Variants in SCRIB observed in about 807,000 individuals in gnomAD.
SCRIB encodes the protein protein scribble homolog.
A neutral mutation model predicts 170.0 loss-of-function variants in SCRIB; 72 were observed. The observed-to-expected ratio is 0.42, with a 90% CI of 0.35 to 0.52. SCRIB has a LOEUF of 0.52. Among genes scored for constraint, SCRIB ranks in the 20% least tolerant of loss-of-function variants. The pLI is 0.02. For missense variants in SCRIB, 2,475 were observed against 2,338.5 expected (o/e 1.06, Z -1.20); for synonymous variants, 1,298 against 1,044.3 (o/e 1.24, Z -4.68).
chr8:143,793,260 G>A, intron 28 of SCRIB, 177 bp from the exon 29 acceptor site: 1 of 494,336 alleles, frequency 2.0e-6, no homozygotes, highest in Non-Finnish European at 3.5e-6. Context: ...CACTCACGGA[G>A]TGGGGACAAC....
intron 24 of SCRIB, among the ~76,000 whole-genome samples, chr8:143,802,496 C>A (rs1318573855): frequency 6.6e-6 from 1 of 152,256 alleles, no homozygotes; most frequent in African/African-American, 2.4e-5. Flanking sequence ...AGCAGGGACA[C>A]CCTCTGGGAG....
chr8:143,804,455 A>T, intron 21 of SCRIB, 113 bp downstream of exon 21: 2 of 1,148,022 alleles, frequency 1.7e-6, no homozygotes, highest in Non-Finnish European at 2.4e-6. Context: ...AAGGGCGAGC[A>T]GGCCGGCTTC....
In SCRIB at chr8:143,809,578, C is replaced by T. The variant is rs1213860549; in HGVS notation, c.1671G>A (p.Glu557=). 6.2e-7 allele frequency: 1 copy of T among 1,611,472 alleles called. No individual in the cohort carries two copies. The highest frequency in any genetic ancestry group is 1.1e-5 in the South Asian group (1 of 91,060). ...CCTGGTAGTCCTCTTCGGCGTCTTC[C>T]TCCCCGCCAGCAGTCGTGGCTTCCT... ...SQQEATTAGG[E]EDAEEDYQEP... Residue 557 remains glutamate, a synonymous_variant, in exon 14 of 37, where the codon GAG becomes GAA. Transcript: ENST00000356994.
rs782631921 is a variant in SCRIB at position 143,805,029 on chromosome 8, G to A, written c.2671-15C>T. 3.0e-5 allele frequency: 48 copies of A among 1,585,024 alleles called. No individual in the cohort carries two copies. The highest frequency in any genetic ancestry group is 4.0e-5 in the Non-Finnish European group (47 of 1,168,610). ...ACGAAGATGCCCTGCAGGGGAGGGTGGAGGAGGCAGGGCTGCCGGTGAGGC... is the reference window on the plus strand; with the variant it reads ...ACGAAGATGCCCTGCAGGGGAGGGTAGAGGAGGCAGGGCTGCCGGTGAGGC... On this transcript the variant is annotated splice_polypyrimidine_tract_variant and intron_variant, in intron 19 of 36. Transcript: ENST00000356994.
At chr8:143,802,123 G>A (rs974690284) in intron 24 of SCRIB, among the ~76,000 whole-genome samples, 3 of 152,258 alleles carry the variant, frequency 2.0e-5, no homozygotes, top group South Asian at 2.1e-4. Context: ...CTGAGAACCA[G>A]ATGGTCCAGA....
rs1554633979 is a variant in SCRIB at position 143,795,698 on chromosome 8, G to A, written c.3604-168C>T. ...GGCAGCCTTGGAGGGCACTCCGCTGGGCCCCCCAGGACGCTGCAGCACTGT... is the reference window on the plus strand; with the variant it reads ...GGCAGCCTTGGAGGGCACTCCGCTGAGCCCCCCAGGACGCTGCAGCACTGT... On this transcript the variant is annotated intron_variant, in intron 24 of 36. Transcript: ENST00000356994. Among the ~76,000 whole-genome samples the A allele has an allele frequency of 2.0e-5, 3 of 152,202 alleles. No individual in the cohort carries two copies. The East Asian group carries it at 5.8e-4, about 29-fold the overall frequency.
At chr8:143,815,095 C>T (rs1816008507) in intron 1 of SCRIB, 119 bp downstream of exon 1, 10 of 1,197,392 alleles carry the variant, frequency 8.4e-6, no homozygotes, top group Non-Finnish European at 1.1e-5. Context: ...GGGACCTGGC[C>T]AGTGCAAACC....
chr8:143,812,036 A>G (rs1815753880), intron 9 of SCRIB, among the ~76,000 whole-genome samples: 2 of 152,052 alleles, frequency 1.3e-5, no homozygotes, highest in African/African-American at 4.8e-5. Flanking sequence ...AGCGATAAAC[A>G]CGAGACCTAG....
intron 24 of SCRIB, among the ~76,000 whole-genome samples, chr8:143,801,492 C>T (rs1292581749): frequency 6.6e-6 from 1 of 152,172 alleles, no homozygotes; most frequent in Non-Finnish European, 1.5e-5. Context: ...ATAAAGAACC[C>T]AGAAGACTTA....
Position 143,792,265 on chromosome 8 carries a change from A to C in SCRIB, c.4469T>G (p.Leu1490Arg). Residue 1490 changes from leucine to arginine, a missense_variant, in exon 32 of 37, where the codon CTC becomes CGC. Coordinates refer to ENST00000356994, the MANE Select transcript of SCRIB (RefSeq NM_182706.5). ...APERALSPAE[L>R]RALEAEKRAL... ...ACGCTTCTCGGCCTCCAGGGCCCGG[A>C]GCTCGGCAGGGGACAGGGCACGCTC... 1 of 1,572,378 alleles carries C rather than the reference A, an allele frequency of 6.4e-7. No individual in the cohort carries two copies. Among genetic ancestry groups the C allele is most frequent in the Non-Finnish European group, 8.6e-7 (1 of 1,166,448 alleles).
At chr8:143,800,458 G>C (rs997223783) in intron 24 of SCRIB, among the ~76,000 whole-genome samples, 26 of 152,358 alleles carry the variant, frequency 1.7e-4, no homozygotes, top group Non-Finnish European at 3.4e-4. Flanking sequence ...AGGCCCGAAG[G>C]GGGAAGGGCG....
At chr8:143,794,963 T>C in intron 27 of SCRIB, 75 bp downstream of exon 27, 5 of 1,438,662 alleles carry the variant, frequency 3.5e-6, no homozygotes, top group Non-Finnish European at 4.8e-6. Context: ...CGGATGGCCC[T>C]GGCGTTTGTC....
chr8:143,794,224 A>T, intron 27 of SCRIB: 1 of 493,676 alleles, frequency 2.0e-6, no homozygotes, highest in Non-Finnish European at 3.7e-6. Flanking sequence ...AGATGGGAGC[A>T]GACAGGACAG....
At chr8:143,803,604 T>TG (rs34826522) in intron 23 of SCRIB, 33 bp from the exon 24 acceptor site, 2 of 525,482 alleles carry the variant, frequency 3.8e-6, no homozygotes, top group Non-Finnish European at 5.9e-6. Flanking sequence ...AGAGACCTGT[T>TG]GGGGGGTGGG....
Position 143,791,252 on chromosome 8 carries a change from C to G in SCRIB, c.4879G>C (p.Gly1627Arg), listed in dbSNP as rs782521316. 1 of 1,505,660 alleles carries G rather than the reference C, an allele frequency of 6.6e-7. No homozygotes were observed. The allele number at this position is 1,505,660 out of a possible 1,614,324, so 93.3% of individuals were successfully genotyped here. ...ALVLLGRPSP[G>R]AVGPEDVALC... is the part of the protein sequence containing the mutation. ...GCCACATCTTCAGGGCCCACAGCGCCGGGTGAGGGCCTGCCCAGAAGCACC... is the reference window on the plus strand; with the variant it reads ...GCCACATCTTCAGGGCCCACAGCGCGGGGTGAGGGCCTGCCCAGAAGCACC... Residue 1627 changes from glycine (G) to arginine (R), a missense_variant, in exon 37 of 37, where the codon GGC (glycine) becomes CGC (arginine). This residue lies in a region of SCRIB where 1,966 missense variants were observed against 1,742.9 expected (regional missense o/e 1.13). Transcript: ENST00000356994.
At chr8:143,804,460 G>A (rs1294808004) in intron 21 of SCRIB, 108 bp downstream of exon 21, 22 of 1,227,912 alleles carry the variant, frequency 1.8e-5, no homozygotes, top group Admixed American at 1.2e-4. Context: ...CGAGCAGGCC[G>A]GCTTCCCACC....
rs1163663180 is a variant in SCRIB, at chr8:143,815,573, G to C, written c.-201C>G. On this transcript the variant is annotated 5_prime_UTR_variant, in exon 1 of 37. Transcript: ENST00000356994. ...AACGCTCGGACTGCGGGCCTGGGCA[G>C]GGGGCGCGGCCCGGCGGGTCTCAGA... 1.0e-6 allele frequency: 1 copy of C among 981,604 alleles called. No homozygotes were observed. Among genetic ancestry groups the C allele is most frequent in the Non-Finnish European group, 1.2e-6 (1 of 828,416 alleles). The allele number at this position is 981,604 out of a possible 1,614,324, so 60.8% of individuals were successfully genotyped here.
At chr8:143,812,225 C>T (rs202230649) in intron 9 of SCRIB, 41 bp downstream of exon 9, 12 of 1,320,568 alleles carry the variant, frequency 9.1e-6, no homozygotes, top group Admixed American at 3.4e-5. Context: ...TTCTGCACCC[C>T]CGACGGCCCC....
chr8:143,812,362 G>C lies in SCRIB; in HGVS notation c.810C>G (p.Ile270Met). Residue 270 changes from isoleucine to methionine, a missense_variant, in exon 9 of 37, where the codon ATC becomes ATG. By Grantham distance (10) the Ile-to-Met change is conservative. Around this residue, in one of 3 missense-constraint regions of SCRIB, gnomAD observed 487 missense variants for 558.1 expected, o/e 0.87. Coordinates refer to ENST00000356994, the MANE Select transcript of SCRIB (RefSeq NM_182706.5). ...ACAGCCGATTCTGGTCTACCTTTAGGATGGATAGCTGCTTCAGCTGACCTG... is the reference window on the plus strand; with the variant it reads ...ACAGCCGATTCTGGTCTACCTTTAGCATGGATAGCTGCTTCAGCTGACCTG... ...DGIGQLKQLSILKVDQNRLCE... is the reference protein window; with the variant it reads ...DGIGQLKQLSMLKVDQNRLCE... 6.2e-7 allele frequency: 1 copy of C among 1,613,380 alleles called. No homozygotes were observed. Among genetic ancestry groups the C allele is most frequent in the Non-Finnish European group, 8.5e-7 (1 of 1,179,462 alleles).
Sources: allele counts gnomAD v4.1 joint callset (sites outside exome capture counted in the v4.1 genomes callset), GRCh38; gene constraint gnomAD v4.1.1; regional missense constraint gnomAD v4.1.1; transcripts MANE v1.5; gene names NCBI Gene and HGNC (gene_info 2026-07-23, HGNC 2026-07-21).